The following EEF1G variants were observed in gnomAD, a reference collection of about 807,000 sequenced individuals.
The protein encoded by EEF1G is eukaryotic translation elongation factor 1 gamma.
EEF1G carries 14 observed loss-of-function variants against 58.3 expected under a neutral mutation model. The observed-to-expected ratio is 0.24, with a 90% confidence interval of 0.16 to 0.38. EEF1G has a LOEUF of 0.38. Among genes scored for constraint, EEF1G ranks in the 10% least tolerant of loss-of-function variants. The pLI is 1.00. For synonymous variants in EEF1G, 180 were observed against 206.8 expected (o/e 0.87, Z 1.11); for missense variants, 322 against 550.1 (o/e 0.59, Z 4.15).
intron 7 of EEF1G, among the ~76,000 whole-genome samples, chr11:62,564,756 C>T (rs1185160436): frequency 9.1e-5 from 2 of 22,038 alleles, no homozygotes; most frequent in East Asian, 2.6e-3. Flanking sequence ...CAGACTCCAT[C>T]TCAAAAAAAA....
intron 5 of EEF1G, among the ~76,000 whole-genome samples, chr11:62,570,386 G>T (rs1194034023): frequency 6.6e-6 from 1 of 152,070 alleles, no homozygotes; most frequent in African/African-American, 2.4e-5. Flanking sequence ...TCTTAATGCT[G>T]AAGCTACCAT....
In EEF1G at chr11:62,572,803, T is replaced by G. The variant is rs1038494302; in HGVS notation, c.13-61A>C. 2.0e-6 allele frequency: 3 copies of G among 1,491,250 alleles called. No individual in the cohort carries two copies. In the African/African-American group the frequency reaches 4.2e-5, roughly 21 times the overall value. 92.4% of individuals were successfully genotyped at this position (1,491,250 alleles called of 1,614,324 possible). On this transcript the variant is annotated intron_variant, in intron 1 of 9. Transcript: ENST00000329251. ...GAAGGGTCCCAGTCCTTAATGCCAC[T>G]CTCCAGGATGACTTTCCTGAATAAT... is the stretch of plus-strand genomic sequence containing the variant.
intron 1 of EEF1G, chr11:62,573,609 C>CT: frequency 1.5e-6 from 1 of 658,392 alleles, no homozygotes; most frequent in Admixed American, 2.9e-5. Flanking sequence ...CCCGGCATCT[C>CT]TTTTCTCCTC....
chr11:62,573,431 A>G, intron 1 of EEF1G: 1 of 250,330 alleles, frequency 4.0e-6, no homozygotes. Flanking sequence ...TCCCTGAGAG[A>G]CGACCTTTAA....
At chr11:62,564,445 C>CA (rs1941532065) in intron 7 of EEF1G, among the ~76,000 whole-genome samples, 1 of 137,182 alleles carries the variant, frequency 7.3e-6, no homozygotes, top group African/African-American at 2.8e-5. Context: ...ACCTGGGCAA[C>CA]AGAGTGAGAC....
intron 5 of EEF1G, among the ~76,000 whole-genome samples, chr11:62,567,988 G>A (rs989909999): frequency 1.3e-4 from 19 of 151,076 alleles, no homozygotes; most frequent in African/African-American, 4.4e-4. Flanking sequence ...CAAACTGCTG[G>A]GATCTCCGAG....
At chr11:62,567,584 T>A (rs1941571973) in intron 5 of EEF1G, 56 bp from the exon 6 acceptor site, 2 of 1,494,976 alleles carry the variant, frequency 1.3e-6, no homozygotes, top group Non-Finnish European at 1.8e-6. Context: ...AAGAGTTCTG[T>A]TCACAGCAAG....
At chr11:62,562,211 T>C (rs947246296) in intron 7 of EEF1G, among the ~76,000 whole-genome samples, 3 of 152,250 alleles carry the variant, frequency 2.0e-5, no homozygotes, top group African/African-American at 2.4e-5. Context: ...TGTAAAATTA[T>C]TGCATTTGAG....
Position 62,571,697 on chromosome 11 carries a change from C to A in EEF1G, c.236-15G>T. Reference sequence around the variant, plus strand: ...CTCATTGCTCACTGCAGAGGCAGAACACGAAGGTCAGAACTCTGGGGGAAT... The same window carrying A: ...CTCATTGCTCACTGCAGAGGCAGAAAACGAAGGTCAGAACTCTGGGGGAAT... On this transcript the variant is annotated splice_polypyrimidine_tract_variant and intron_variant, in intron 3 of 9. Transcript: ENST00000329251. 6.3e-7 allele frequency: 1 copy of A among 1,582,386 alleles called. No individual in the cohort carries two copies. Among genetic ancestry groups the A allele is most frequent in the East Asian group, 2.3e-5 (1 of 43,018 alleles).
intron 5 of EEF1G, among the ~76,000 whole-genome samples, chr11:62,568,766 A>G (rs1941588003): frequency 6.6e-6 from 1 of 152,054 alleles, no homozygotes; most frequent in African/African-American, 2.4e-5. Context: ...TGAGGTCAGG[A>G]GTTCGAGACC....
intron 5 of EEF1G, among the ~76,000 whole-genome samples, chr11:62,570,704 G>A (rs926748698): frequency 5.3e-5 from 8 of 151,890 alleles, no homozygotes; most frequent in South Asian, 2.1e-4. Context: ...ATAGGTGTGC[G>A]CCACCACACC....
chr11:62,568,859 G>A (rs527333008), intron 5 of EEF1G, among the ~76,000 whole-genome samples: 1 of 152,066 alleles, frequency 6.6e-6, no homozygotes, highest in South Asian at 2.1e-4. Flanking sequence ...CGTAATCCCA[G>A]CTACTCAGGA....
chr11:62,571,775 A>G lies in EEF1G; in HGVS notation c.235+63T>C, dbSNP rs1362799844. The G allele has an allele frequency of 1.5e-5, 23 of 1,563,748 alleles. No homozygotes were observed. The Admixed American group carries it at 2.7e-4, about 18-fold the overall frequency. On this transcript the variant is annotated intron_variant, in intron 3 of 9. Coordinates refer to ENST00000329251, the MANE Select transcript of EEF1G (RefSeq NM_001404.5). The stretch of plus-strand genomic sequence containing the variant: ...TTCCTTCATATCCACCCCCGCTCAC[A>G]CTTATCCTCTCCTACACCCTCACCT...
intron 7 of EEF1G, among the ~76,000 whole-genome samples, chr11:62,565,209 G>A (rs1031477675): frequency 2.6e-5 from 4 of 152,092 alleles, no homozygotes; most frequent in African/African-American, 9.7e-5. Context: ...GCAACATAGT[G>A]AGACCTAGTC....
chr11:62,564,212 C>T (rs548815483), intron 7 of EEF1G, among the ~76,000 whole-genome samples: 1 of 152,334 alleles, frequency 6.6e-6, no homozygotes, highest in Admixed American at 6.5e-5. Context: ...CCTGTAATCC[C>T]AGCATTTTGG....
At chr11:62,573,270 C>T (rs1941659050) in intron 1 of EEF1G, 1 of 158,338 alleles carries the variant, frequency 6.3e-6, no homozygotes, top group Non-Finnish European at 1.4e-5. Flanking sequence ...ACTCCTCTCT[C>T]TCAAAAAGCC....
At chr11:62,567,057 C>A in intron 6 of EEF1G, 47 bp from the exon 7 acceptor site, 1 of 1,589,468 alleles carries the variant, frequency 6.3e-7, no homozygotes, top group Non-Finnish European at 8.6e-7. Context: ...CTGCCTCTTT[C>A]CACACCCCTC....
chr11:62,571,076 T>G lies in EEF1G; in HGVS notation c.411A>C (p.Arg137=), dbSNP rs1327402561. 7 of 1,613,794 alleles carry G rather than the reference T, an allele frequency of 4.3e-6. No individual in the cohort carries two copies. Among genetic ancestry groups the G allele is most frequent in the Admixed American group, 1.7e-5 (1 of 59,982 alleles). The change falls in exon 5 of 10, where the codon CGA becomes CGC. Residue 137 remains arginine (R), a synonymous_variant. Transcript: ENST00000329251. The part of the protein sequence containing the change: ...ATENAKEEVR[R]ILGLLDAYLK... The stretch of plus-strand genomic sequence containing the variant: ...AGTAAGCATCCAGCAGCCCCAGAAT[T>G]CGCCTCACTTCCTCCTTTGCATTCT...
At chr11:62,559,881 C>G in intron 9 of EEF1G, 44 bp from the exon 10 acceptor site, 1 of 1,613,508 alleles carries the variant, frequency 6.2e-7, no homozygotes, top group Non-Finnish European at 8.5e-7. Flanking sequence ...TGAGACACCA[C>G]CCCACACCTG....
Sources: gnomAD v4.1 joint callset for allele counts (sites outside exome capture counted in the v4.1 genomes callset) on GRCh38, gnomAD v4.1.1 for gene constraint, MANE v1.5 for transcripts, NCBI Gene and HGNC (gene_info 2026-07-23, HGNC 2026-07-21) for gene names.